Variants in NRXN3 observed in about 807,000 individuals in gnomAD.
NRXN3 encodes the protein neurexin 3.
Under a neutral mutation model 137.6 loss-of-function variants are expected in NRXN3, and 32 were observed. The ratio of observed to expected loss-of-function variants is 0.23; its 90% CI spans 0.18 to 0.31. NRXN3 has a LOEUF of 0.31. Among genes scored for constraint, NRXN3 ranks in the 10% least tolerant of loss-of-function variants. The pLI is 1.00. For synonymous variants in NRXN3, 798 were observed against 784.5 expected (o/e 1.02, Z -0.29); for missense variants, 1,574 against 2,062.5 (o/e 0.76, Z 4.59).
At chr14:78,628,942 C>A (rs75610686) in intron 4 of NRXN3, among the ~76,000 whole-genome samples, 2,901 of 152,244 alleles carry the variant, frequency 0.019, 100 homozygotes, top group East Asian at 0.18. Flanking sequence ...TTCTAAATTC[C>A]CTTGTCAATT....
intron 19 of NRXN3, among the ~76,000 whole-genome samples, chr14:79,789,262 A>G (rs2099138218): frequency 6.6e-6 from 1 of 152,130 alleles, no homozygotes; most frequent in African/African-American, 2.4e-5. Context: ...TCATCCACAT[A>G]AGCAACCAGG....
At chr14:78,262,058 T>TA (rs1320931982) in intron 2 of NRXN3, among the ~76,000 whole-genome samples, 1 of 151,974 alleles carries the variant, frequency 6.6e-6, no homozygotes, top group Admixed American at 6.6e-5. Context: ...AAAACCAGGG[T>TA]AGTCAGGGAG....
chr14:78,541,889 C>T (rs548656613), intron 4 of NRXN3, among the ~76,000 whole-genome samples: 15 of 152,312 alleles, frequency 9.8e-5, no homozygotes, highest in African/African-American at 3.6e-4. Context: ...AGCTGCAGGT[C>T]TATTGGAGTT....
At chr14:79,727,285 A>G (rs1380497388) in intron 19 of NRXN3, among the ~76,000 whole-genome samples, 2 of 152,204 alleles carry the variant, frequency 1.3e-5, no homozygotes, top group African/African-American at 4.8e-5. Flanking sequence ...GGTAAATTGC[A>G]GTTTGAATGA....
intron 6 of NRXN3, among the ~76,000 whole-genome samples, chr14:78,667,977 G>A (rs1009294569): frequency 1.3e-5 from 2 of 152,082 alleles, no homozygotes; most frequent in Admixed American, 6.6e-5. Context: ...GTAGAGACGG[G>A]ATTTCACCCT....
chr14:78,755,596 G>A (rs1231820005), intron 8 of NRXN3, among the ~76,000 whole-genome samples: 1 of 152,182 alleles, frequency 6.6e-6, no homozygotes, highest in East Asian at 1.9e-4. Context: ...GTTGGGTCTT[G>A]TGAATTTACA....
At chr14:78,261,022 G>T (rs1217347607) in intron 2 of NRXN3, among the ~76,000 whole-genome samples, 2 of 152,160 alleles carry the variant, frequency 1.3e-5, no homozygotes, top group Admixed American at 6.5e-5. Context: ...GGAGGTGGTG[G>T]TTGTCCTGGC....
chr14:78,603,436 T>C (rs1367836653), intron 4 of NRXN3, among the ~76,000 whole-genome samples: 1 of 152,222 alleles, frequency 6.6e-6, no homozygotes, highest in Non-Finnish European at 1.5e-5. Flanking sequence ...CCTTTGACCG[T>C]GCCACTTGTG....
At chr14:78,576,718 G>T (rs1289649605) in intron 4 of NRXN3, among the ~76,000 whole-genome samples, 1 of 152,180 alleles carries the variant, frequency 6.6e-6, no homozygotes, top group African/African-American at 2.4e-5. Flanking sequence ...GTGTCAAGGG[G>T]CGGAACATTC....
intron 15 of NRXN3, among the ~76,000 whole-genome samples, chr14:79,190,566 C>T (rs748214084): frequency 6.6e-6 from 1 of 152,114 alleles, no homozygotes; most frequent in Non-Finnish European, 1.5e-5. Flanking sequence ...CCCCGGTGTG[C>T]TACTGAAGGC....
At chr14:79,601,108 A>G (rs1053834281) in intron 16 of NRXN3, among the ~76,000 whole-genome samples, 57 of 140,208 alleles carry the variant, frequency 4.1e-4, no homozygotes, top group Non-Finnish European at 6.9e-4. Flanking sequence ...CAGTGGCGCA[A>G]TCTTGGCTCA....
chr14:78,911,496 G>A (rs2099237505), intron 10 of NRXN3, among the ~76,000 whole-genome samples: 2 of 152,044 alleles, frequency 1.3e-5, no homozygotes, highest in Admixed American at 1.3e-4. Context: ...TAGTCATATT[G>A]TCAATGAGTT....
At chr14:78,419,252 A>AT (rs1457288784) in intron 4 of NRXN3, among the ~76,000 whole-genome samples, 1 of 151,732 alleles carries the variant, frequency 6.6e-6, no homozygotes, top group African/African-American at 2.4e-5. Context: ...ATTTTATTTT[A>AT]TTTTTTGATA....
At chr14:78,728,964 T>C (rs762662536) in intron 8 of NRXN3, among the ~76,000 whole-genome samples, 5 of 152,194 alleles carry the variant, frequency 3.3e-5, no homozygotes, top group Non-Finnish European at 5.9e-5. Flanking sequence ...CTCACTATTA[T>C]GTGATCTTGG....
chr14:79,357,007 C>T (rs1333239037), intron 15 of NRXN3, among the ~76,000 whole-genome samples: 11 of 152,170 alleles, frequency 7.2e-5, no homozygotes, highest in South Asian at 4.1e-4. Context: ...GGATTAGAGA[C>T]GTGAGCCACT....
chr14:78,476,213 G>T (rs2095375233), intron 4 of NRXN3, among the ~76,000 whole-genome samples: 1 of 152,116 alleles, frequency 6.6e-6, no homozygotes, highest in Non-Finnish European at 1.5e-5. Context: ...ATTTTTTTAG[G>T]CCAGGAAAAA....
At chr14:79,405,765 A>G (rs2095298187) in intron 15 of NRXN3, among the ~76,000 whole-genome samples, 1 of 152,172 alleles carries the variant, frequency 6.6e-6, no homozygotes, top group Non-Finnish European at 1.5e-5. Flanking sequence ...GCCTGGAGGA[A>G]GTCTTCCATG....
intron 4 of NRXN3, among the ~76,000 whole-genome samples, chr14:78,615,366 C>T (rs544469283): frequency 2.0e-5 from 3 of 150,630 alleles, no homozygotes; most frequent in South Asian, 2.1e-4. Flanking sequence ...TTTGGGAGGC[C>T]GAGGTGGGTG....
chr14:78,574,405 G>A (rs1312812937), intron 4 of NRXN3, among the ~76,000 whole-genome samples: 1 of 152,252 alleles, frequency 6.6e-6, no homozygotes, highest in Non-Finnish European at 1.5e-5. Flanking sequence ...CTCAATGCCA[G>A]CCAATGAAAG....
Sources: gnomAD v4.1 joint callset for allele counts (sites outside exome capture counted in the v4.1 genomes callset) on GRCh38, gnomAD v4.1.1 for gene constraint, MANE v1.5 for transcripts, NCBI Gene and HGNC (gene_info 2026-07-23, HGNC 2026-07-21) for gene names.